The following PRDM16 variants were observed in gnomAD, a reference collection of about 807,000 sequenced individuals.
PRDM16 encodes the protein histone-lysine N-methyltransferase PRDM16.
In PRDM16, 23 loss-of-function variants were observed where a neutral mutation model predicts 110.6. The observed-to-expected ratio is 0.21, with a 90% CI of 0.15 to 0.29. PRDM16 has a LOEUF of 0.29. PRDM16 is among the 10% of genes least tolerant of loss of function. The probability of loss-of-function intolerance (pLI) is 1.00; values close to 1 mark genes in which losing one functional copy is unlikely to be tolerated. For synonymous variants in PRDM16, 799 were observed against 781.8 expected (o/e 1.02, Z -0.37); for missense variants, 1,615 against 1,794.3 (o/e 0.90, Z 1.81).
In PRDM16 at chr1:3,186,105, C is replaced by G. The variant is rs190568539; in HGVS notation, c.38-20C>G. The G allele has an allele frequency of 1.9e-6, 3 of 1,594,610 alleles. No individual in the cohort carries two copies. ...GTGGGGCACGTGCTGCAGAGGTTGA[C>G]GCTGCGTTGTCTCCTTTAGGTGACG... On this transcript the variant is annotated intron_variant, in intron 1 of 16. Transcript: ENST00000270722.
intron 3 of PRDM16, among the ~76,000 whole-genome samples, chr1:3,369,877 G>A (rs1569590476): frequency 6.6e-6 from 1 of 152,220 alleles, no homozygotes; most frequent in East Asian, 1.9e-4. Context: ...GTTCTTTATA[G>A]GGATTGGCAA....
intron 1 of PRDM16, among the ~76,000 whole-genome samples, chr1:3,161,146 G>T (rs1180241951): frequency 6.6e-6 from 1 of 152,184 alleles, no homozygotes. Flanking sequence ...ACAGCTGACA[G>T]GTGAGGGAGG....
Position 3,428,174 on chromosome 1 carries a change from CACT to C in PRDM16, c.3284+1950_3284+1952del, listed in dbSNP as rs1301569445. 2.2e-3 allele frequency among the ~76,000 whole-genome samples: 336 copies of C among 149,540 alleles called. 2 individuals carry two copies. Among genetic ancestry groups the C allele is most frequent in the East Asian group, 0.016 (80 of 5,090 alleles). On this transcript the variant is annotated intron_variant, in intron 14 of 16. Transcript: ENST00000270722. Reference sequence around the variant, plus strand: ...CCCGAGCTAGGGTGCAGCCCGGCCGCACTGCAGGAGACCCACCAGGACCCCGAG... The same window carrying C: ...CCCGAGCTAGGGTGCAGCCCGGCCGCGCAGGAGACCCACCAGGACCCCGAG...
At chr1:3,103,048 A>G (rs960849924) in intron 1 of PRDM16, among the ~76,000 whole-genome samples, 2 of 152,158 alleles carry the variant, frequency 1.3e-5, no homozygotes, top group Non-Finnish European at 2.9e-5. Flanking sequence ...TCTGGGGTGC[A>G]AATACGTTCA....
In PRDM16 at chr1:3,382,582, CAG is replaced by C; in HGVS notation, c.439-2569_439-2568del. Reference sequence around the variant, plus strand: ...GGCTTGAGCCAGCCGGGGCCCAGAACAGGGGGAAGGTGTTGGCTGAGCCCATG... The same window carrying C: ...GGCTTGAGCCAGCCGGGGCCCAGAACGGGGAAGGTGTTGGCTGAGCCCATG... On this transcript the variant is annotated intron_variant, in intron 3 of 16. Transcript: ENST00000270722. The surrounding 1 kb of genome is among the most constrained non-coding windows in gnomAD (Gnocchi z 6.6). 6.6e-6 allele frequency among the ~76,000 whole-genome samples: 1 copy of C among 152,158 alleles called. No homozygotes were observed. Among genetic ancestry groups the C allele is most frequent in the East Asian group, 1.9e-4 (1 of 5,188 alleles).
chr1:3,246,168 G>A lies in PRDM16; in HGVS notation c.438+2031G>A, dbSNP rs972024260. Among the ~76,000 whole-genome samples, 3 of 152,264 alleles carry A rather than the reference G, an allele frequency of 2.0e-5. No individual in the cohort carries two copies. Among genetic ancestry groups the A allele is most frequent in the East Asian group, 1.9e-4 (1 of 5,168 alleles). On this transcript the variant is annotated intron_variant, in intron 3 of 16. Transcript: ENST00000270722. This position sits in a 1 kb window ranked among gnomAD's most constrained non-coding sequence, Gnocchi z 5.2. The stretch of plus-strand genomic sequence containing the variant: ...GCCGCCTTCTGTGCCTCTGGGCCAC[G>A]GTGGGTTTGCCTTTGTGTCTTATAT...
chr1:3,386,570 T>C (rs1445499595), intron 4 of PRDM16: 3 of 129,750 alleles, frequency 2.3e-5, no homozygotes, highest in Non-Finnish European at 4.8e-5. Context: ...GAGCCAAAAA[T>C]GTTTAAAATA....
chr1:3,259,574 G>A (rs1292112887), intron 3 of PRDM16, among the ~76,000 whole-genome samples: 1 of 152,164 alleles, frequency 6.6e-6, no homozygotes, highest in Non-Finnish European at 1.5e-5. Context: ...GGCAGTAAGC[G>A]GCAAATCAGG....
chr1:3,153,931 A>T (rs907580784), intron 1 of PRDM16, among the ~76,000 whole-genome samples: 3 of 152,244 alleles, frequency 2.0e-5, no homozygotes, highest in Non-Finnish European at 4.4e-5. Flanking sequence ...TTGATTTCAC[A>T]TGTTACCAGG....
chr1:3,392,458 ACC>A (rs1264979153), intron 4 of PRDM16, among the ~76,000 whole-genome samples: 1 of 152,152 alleles, frequency 6.6e-6, no homozygotes, highest in Non-Finnish European at 1.5e-5. Flanking sequence ...CTCAGATTCA[ACC>A]CAGTTCCTTT....
intron 3 of PRDM16, among the ~76,000 whole-genome samples, chr1:3,320,039 TGGTGGCCACACCTACC>T (rs1641704007): frequency 6.6e-6 from 1 of 152,186 alleles, no homozygotes; most frequent in Non-Finnish European, 1.5e-5. Flanking sequence ...TGCCTGGGCC[TGGTGGCCACACCTACC>T]AGGTGTGGCC....
chr1:3,194,194 A>G (rs1391884831), intron 2 of PRDM16, among the ~76,000 whole-genome samples: 1 of 152,332 alleles, frequency 6.6e-6, no homozygotes, highest in Admixed American at 6.5e-5. Flanking sequence ...CGCTCAGTGC[A>G]CACTGGGGGG....
At chr1:3,199,850 CT>C (rs2100824876) in intron 2 of PRDM16, among the ~76,000 whole-genome samples, 1 of 152,340 alleles carries the variant, frequency 6.6e-6, no homozygotes, top group African/African-American at 2.4e-5. Flanking sequence ...ACGGTGCACC[CT>C]GTCTCAAGTC....
rs373162966 is a variant in PRDM16 at position 3,404,774 on chromosome 1, G to T, written c.920G>T (p.Arg307Leu). Residue 307 changes from arginine to leucine, a missense_variant, in exon 7 of 17, where the codon CGC (arginine) becomes CTC (leucine). Transcript: ENST00000270722. The stretch of plus-strand genomic sequence containing the variant: ...CACATGGTCATCCACACGGAGGAGC[G>T]CGAGTACAAATGCGACCAGTGTCCC... ...EQHMVIHTEE[R>L]EYKCDQCPKA... is the part of the protein sequence containing the mutation. 1.2e-6 allele frequency: 2 copies of T among 1,613,446 alleles called. No homozygotes were observed. The highest frequency in any genetic ancestry group is 2.7e-5 in the African/African-American group (2 of 74,922).
chr1:3,279,836 C>G (rs756806788), intron 3 of PRDM16, among the ~76,000 whole-genome samples: 3 of 152,000 alleles, frequency 2.0e-5, no homozygotes, highest in Admixed American at 6.5e-5. Context: ...CCAGCATATC[C>G]CTGAGCCAGT....
intron 1 of PRDM16, among the ~76,000 whole-genome samples, chr1:3,094,998 T>G (rs1355531889): frequency 6.6e-6 from 1 of 152,206 alleles, no homozygotes; most frequent in Non-Finnish European, 1.5e-5. Context: ...CTGGGCGAGA[T>G]GAAGCCAGCA....
rs138224432 is a variant in PRDM16, at chr1:3,193,262, G to A, written c.387+6788G>A. On this transcript the variant is annotated intron_variant, in intron 2 of 16. Coordinates refer to ENST00000270722, the MANE Select transcript of PRDM16 (RefSeq NM_022114.4). ...CCTTCCTGCCCGTCCCGCCTCCAGG[G>A]CTGACCTCCTGAGGCTTCGGGCTCC... Among the ~76,000 whole-genome samples the A allele has an allele frequency of 2.6e-3, 394 of 152,338 alleles. 1 individual carries two copies. Among genetic ancestry groups the A allele is most frequent in the African/African-American group, 9.1e-3 (377 of 41,582 alleles).
chr1:3,076,326 G>A (rs1331293171), intron 1 of PRDM16, among the ~76,000 whole-genome samples: 4 of 152,204 alleles, frequency 2.6e-5, no homozygotes, highest in East Asian at 1.9e-4. Flanking sequence ...CTCCCTGTCC[G>A]GCTGGTGGGG....
intron 3 of PRDM16, among the ~76,000 whole-genome samples, chr1:3,341,403 G>T (rs1340286223): frequency 1.3e-5 from 2 of 152,180 alleles, no homozygotes; most frequent in Non-Finnish European, 2.9e-5. Flanking sequence ...AGCAAGGGGG[G>T]CAACCTGGCG....
Sources: allele counts gnomAD v4.1 joint callset (sites outside exome capture counted in the v4.1 genomes callset), GRCh38; gene constraint gnomAD v4.1.1; non-coding constraint Gnocchi (gnomAD v3.1); transcripts MANE v1.5; gene names NCBI Gene and HGNC (gene_info 2026-07-23, HGNC 2026-07-21).